Variants in OR10J1 observed in about 807,000 individuals in gnomAD.
OR10J1 encodes the protein olfactory receptor family 10 subfamily J member 1, also known as olfactory receptor 10J1.
For missense variants in OR10J1, 474 were observed against 376.6 expected (o/e 1.26, Z -2.14); for synonymous variants, 202 against 143.8 (o/e 1.40, Z -2.89).
chr1:159,417,813 T>C, the OR10J1 span, among the ~76,000 whole-genome samples: 6 of 152,210 alleles, frequency 3.9e-5, no homozygotes, highest in African/African-American at 1.4e-4. Flanking sequence ...AGTTTGGAAC[T>C]ACCTAGAAAC....
the OR10J1 span, chr1:159,405,947 A>G: frequency 2.0e-6 from 1 of 492,680 alleles, no homozygotes; most frequent in East Asian, 4.1e-5. Context: ...GATCCCAGCC[A>G]GACACAAGCC....
chr1:159,425,587 T>C, the OR10J1 span, among the ~76,000 whole-genome samples: 1 of 151,784 alleles, frequency 6.6e-6, no homozygotes. Context: ...TTACAAAAAA[T>C]TAGCAAGAAA....
the OR10J1 span, among the ~76,000 whole-genome samples, chr1:159,414,250 C>T: frequency 5.3e-5 from 8 of 152,062 alleles, no homozygotes; most frequent in African/African-American, 1.9e-4. Context: ...ACCCTCCTAC[C>T]CACACACCAT....
At chr1:159,413,446 C>G in the OR10J1 span, among the ~76,000 whole-genome samples, 1 of 151,870 alleles carries the variant, frequency 6.6e-6, no homozygotes, top group South Asian at 2.1e-4. Context: ...ACCCAAATGT[C>G]CAACAATGAT....
chr1:159,411,913 G>T, the OR10J1 span, among the ~76,000 whole-genome samples: 4 of 152,046 alleles, frequency 2.6e-5, no homozygotes, highest in East Asian at 1.9e-4. Flanking sequence ...GTTTGCAGAT[G>T]ACATGATTGT....
At chr1:159,398,913 A>G in the OR10J1 span, among the ~76,000 whole-genome samples, 1 of 152,192 alleles carries the variant, frequency 6.6e-6, no homozygotes, top group Non-Finnish European at 1.5e-5. Context: ...ACCTAGAGAA[A>G]GATATCAATA....
the OR10J1 span, chr1:159,432,086 A>G: frequency 5.0e-6 from 2 of 398,742 alleles, no homozygotes; most frequent in African/African-American, 2.1e-5. Context: ...TGAAACCCAG[A>G]GCTACATGCC....
the OR10J1 span, among the ~76,000 whole-genome samples, chr1:159,420,376 G>A: frequency 6.6e-6 from 1 of 151,938 alleles, no homozygotes; most frequent in South Asian, 2.1e-4. Flanking sequence ...TTGATTTCTG[G>A]TTGTTTTGTA....
the OR10J1 span, among the ~76,000 whole-genome samples, chr1:159,399,751 T>C: frequency 6.6e-6 from 1 of 151,876 alleles, no homozygotes; most frequent in African/African-American, 2.4e-5. Flanking sequence ...AGTAAACTAA[T>C]CTTATACTAA....
At chr1:159,411,905 T>C in the OR10J1 span, among the ~76,000 whole-genome samples, 2 of 152,098 alleles carry the variant, frequency 1.3e-5, no homozygotes, top group Non-Finnish European at 2.9e-5. Flanking sequence ...TTGTCCCTGT[T>C]TGCAGATGAC....
At chr1:159,400,790 C>T in the OR10J1 span, among the ~76,000 whole-genome samples, 3 of 151,748 alleles carry the variant, frequency 2.0e-5, no homozygotes, top group African/African-American at 7.2e-5. Context: ...ATTTACAGAA[C>T]ATTTCATACA....
At chr1:159,424,319 A>T in the OR10J1 span, among the ~76,000 whole-genome samples, 1 of 151,378 alleles carries the variant, frequency 6.6e-6, no homozygotes, top group Admixed American at 6.6e-5. Flanking sequence ...ATATTTATAT[A>T]TGTGTTAATA....
At position 159,440,696 on chromosome 1, in the gene OR10J1, G is replaced by A. The variant is rs1304858588; in HGVS notation, c.905G>A (p.Arg302Lys). 22 of 1,611,496 alleles carry A rather than the reference G, an allele frequency of 1.4e-5. No homozygotes were observed. Among genetic ancestry groups the A allele is most frequent in the Non-Finnish European group, 1.9e-5 (22 of 1,178,008 alleles). Residue 302 changes from arginine (R) to lysine (K), a missense_variant, in exon 1 of 1, where the codon AGG becomes AAG. By Grantham distance (26) the Arg-to-Lys change is conservative. Coordinates refer to ENST00000423932, the MANE Select transcript of OR10J1 (RefSeq NM_012351.3). ...AAAGAGGTCAAAGATGCTCTGTGCAGGGCTGTTGGTGGGAAGTTTTCCTGA... is the reference window on the plus strand; with the variant it reads ...AAAGAGGTCAAAGATGCTCTGTGCAAGGCTGTTGGTGGGAAGTTTTCCTGA... ...RNKEVKDALC[R>K]AVGGKFS
At chr1:159,405,868 C>T in the OR10J1 span, 1 of 719,698 alleles carries the variant, frequency 1.4e-6, no homozygotes, top group South Asian at 1.6e-5. Context: ...AAAGTCATCA[C>T]AAAAGGGCAG....
the OR10J1 span, among the ~76,000 whole-genome samples, chr1:159,403,521 C>T: frequency 6.2e-4 from 94 of 152,216 alleles, 2 homozygotes; most frequent in African/African-American, 2.2e-3. Context: ...ATGTGCTCAA[C>T]GTCATTGATC....
At chr1:159,418,859 G>A in the OR10J1 span, among the ~76,000 whole-genome samples, 446 of 152,310 alleles carry the variant, frequency 2.9e-3, no homozygotes, top group Non-Finnish European at 5.2e-3. Context: ...CCAAGATCAT[G>A]GGAACCCACC....
the OR10J1 span, among the ~76,000 whole-genome samples, chr1:159,407,516 T>C: frequency 6.6e-6 from 1 of 152,034 alleles, no homozygotes; most frequent in Non-Finnish European, 1.5e-5. Flanking sequence ...TCTGAAACAT[T>C]CCATCAGCAG....
chr1:159,401,846 A>G, the OR10J1 span, among the ~76,000 whole-genome samples: 1 of 152,086 alleles, frequency 6.6e-6, no homozygotes, highest in African/African-American at 2.4e-5. Flanking sequence ...TAAATCCTCA[A>G]CAAAATACTA....
At chr1:159,416,622 T>C in the OR10J1 span, among the ~76,000 whole-genome samples, 1 of 152,036 alleles carries the variant, frequency 6.6e-6, no homozygotes, top group Non-Finnish European at 1.5e-5. Context: ...AAATTTTCTC[T>C]TTTAATTTTT....
Sources: allele counts gnomAD v4.1 joint callset (sites outside exome capture counted in the v4.1 genomes callset), GRCh38; gene constraint gnomAD v4.1.1; transcripts MANE v1.5; gene names NCBI Gene and HGNC (gene_info 2026-07-23, HGNC 2026-07-21).